Variants in ZFHX3 observed in about 807,000 individuals in gnomAD.
The protein encoded by ZFHX3 is zinc finger homeobox protein 3.
ZFHX3 carries 42 observed loss-of-function variants against 279.1 expected under a neutral mutation model. That is an observed-to-expected ratio of 0.15 (90% CI 0.12 to 0.19). The LOEUF (loss-of-function observed/expected upper bound fraction) is 0.19, where lower values mean the gene tolerates loss of function less well. Ranked by LOEUF, ZFHX3 falls within the 10% of genes least tolerant of loss-of-function variation. The pLI is 1.00. For missense variants in ZFHX3, 4,981 were observed against 4,754.0 expected, an observed-to-expected ratio of 1.05 and a Z score of -1.40; for synonymous variants, 2,293 against 1,957.8, an observed-to-expected ratio of 1.17 and a Z score of -4.52.
chr16:73,457,314 T>A (rs1244323252), intron 2 of ZFHX3, among the ~76,000 whole-genome samples: 1 of 152,202 alleles, frequency 6.6e-6, no homozygotes, highest in African/African-American at 2.4e-5. Context: ...CCATGAGGTC[T>A]GGTCTTTCAG....
chr16:73,419,367 G>C (rs1270966110), intron 3 of ZFHX3, among the ~76,000 whole-genome samples: 1 of 152,210 alleles, frequency 6.6e-6, no homozygotes. Flanking sequence ...ACTCATGTGA[G>C]TGTGACTTTA....
intron 3 of ZFHX3, among the ~76,000 whole-genome samples, chr16:73,320,446 A>G (rs2015553181): frequency 6.6e-6 from 1 of 152,234 alleles, no homozygotes; most frequent in African/African-American, 2.4e-5. Context: ...ATAAAAGTCC[A>G]TTGACAGCTA....
intron 2 of ZFHX3, among the ~76,000 whole-genome samples, chr16:73,667,963 C>T (rs1195976477): frequency 1.3e-5 from 2 of 152,202 alleles, no homozygotes; most frequent in Admixed American, 1.3e-4. Flanking sequence ...TGAATTCCTA[C>T]AGCACTTACA....
upstream of ZFHX3, among the ~76,000 whole-genome samples, chr16:73,050,736 A>T (rs901021518): frequency 2.0e-5 from 3 of 152,190 alleles, no homozygotes; most frequent in Admixed American, 6.5e-5. Context: ...TGACATTCTC[A>T]TCGCTCCATC....
At chr16:73,579,691 A>G (rs2051837322) in intron 2 of ZFHX3, among the ~76,000 whole-genome samples, 2 of 150,066 alleles carry the variant, frequency 1.3e-5, no homozygotes, top group Non-Finnish European at 3.0e-5. Flanking sequence ...TTTAGTAGAG[A>G]CGGGGTTTCA....
intron 2 of ZFHX3, among the ~76,000 whole-genome samples, chr16:73,521,524 T>C (rs963563394): frequency 1.3e-5 from 2 of 152,062 alleles, no homozygotes; most frequent in African/African-American, 4.8e-5. Context: ...TGGTGATGTC[T>C]CTGTCTCACA....
intron 3 of ZFHX3, among the ~76,000 whole-genome samples, chr16:73,431,056 C>T (rs1487180716): frequency 2.0e-5 from 3 of 152,184 alleles, no homozygotes. Context: ...GAAGGACAAA[C>T]ATCTAATTAC....
At chr16:73,580,464 G>A (rs1054330641) in intron 2 of ZFHX3, among the ~76,000 whole-genome samples, 5 of 150,426 alleles carry the variant, frequency 3.3e-5, no homozygotes, top group Non-Finnish European at 4.4e-5. Context: ...GCAACAGAGC[G>A]AGACTCCGTC....
intron 2 of ZFHX3, among the ~76,000 whole-genome samples, chr16:73,577,873 TA>T (rs1405173934): frequency 6.6e-6 from 1 of 152,206 alleles, no homozygotes; most frequent in Non-Finnish European, 1.5e-5. Flanking sequence ...ACGTCATAGT[TA>T]CAAACACGTT....
chr16:73,529,502 T>C (rs1304466078), intron 2 of ZFHX3, among the ~76,000 whole-genome samples: 1 of 152,136 alleles, frequency 6.6e-6, no homozygotes, highest in East Asian at 1.9e-4. Context: ...CCGGCAGCAG[T>C]GACACTCAGA....
intron 4 of ZFHX3, among the ~76,000 whole-genome samples, chr16:73,265,599 G>C (rs2013953007): frequency 6.6e-6 from 1 of 152,100 alleles, no homozygotes; most frequent in African/African-American, 2.4e-5. Context: ...TCGGGCATTT[G>C]GTACTTTTGA....
At chr16:72,960,339 G>A in intron 1 of ZFHX3, 145 bp from the exon 2 acceptor site, 1 of 603,800 alleles carries the variant, frequency 1.7e-6, no homozygotes, top group African/African-American at 1.9e-5. Context: ...CAGGGCGGAG[G>A]GCGGGCCTGG....
intron 3 of ZFHX3, chr16:73,402,238 C>T (rs772570014): frequency 6.6e-6 from 1 of 152,192 alleles, no homozygotes; most frequent in Non-Finnish European, 1.5e-5. Context: ...GATCTGTAAA[C>T]AAAGCTTGAA....
chr16:73,019,131 CTTGTGACT>C (rs539905564), intron 1 of ZFHX3, among the ~76,000 whole-genome samples: 16 of 152,344 alleles, frequency 1.1e-4, no homozygotes, highest in Non-Finnish European at 1.9e-4. Context: ...ATTAAAGCCA[CTTGTGACT>C]TTCAAAAGCT....
chr16:73,025,210 G>A (rs942688287), intron 1 of ZFHX3, among the ~76,000 whole-genome samples: 5 of 152,070 alleles, frequency 3.3e-5, no homozygotes, highest in African/African-American at 4.8e-5. Context: ...AAACAGGAAC[G>A]TTCCCCTCCC....
chr16:73,410,480 G>C (rs1321572075), intron 3 of ZFHX3, among the ~76,000 whole-genome samples: 3 of 152,162 alleles, frequency 2.0e-5, no homozygotes, highest in African/African-American at 7.2e-5. Context: ...GTAATACAAA[G>C]AAAGGCTAAA....
chr16:73,740,348 G>C (rs947307534), intron 1 of ZFHX3, among the ~76,000 whole-genome samples: 2 of 152,026 alleles, frequency 1.3e-5, no homozygotes, highest in African/African-American at 2.4e-5. Flanking sequence ...GGGAAGGCTG[G>C]CTCCCTAAAG....
chr16:73,442,209 T>C (rs1433674495), intron 3 of ZFHX3, among the ~76,000 whole-genome samples: 1 of 152,170 alleles, frequency 6.6e-6, no homozygotes, highest in African/African-American at 2.4e-5. Context: ...AGGACATTCA[T>C]GTTAGTTTGC....
At chr16:73,808,117 A>C (rs1270857573) in intron 1 of ZFHX3, among the ~76,000 whole-genome samples, 2 of 152,206 alleles carry the variant, frequency 1.3e-5, no homozygotes, top group Non-Finnish European at 2.9e-5. Flanking sequence ...AGATGTGGGC[A>C]CTGAAGAGAG....
Sources: allele counts gnomAD v4.1 joint callset (sites outside exome capture counted in the v4.1 genomes callset), GRCh38; gene constraint gnomAD v4.1.1; transcripts MANE v1.5; gene names NCBI Gene and HGNC (gene_info 2026-07-23, HGNC 2026-07-21).